TMCC1: variants seen among roughly 807,000 people sequenced by gnomAD.
TMCC1 encodes transmembrane and coiled-coil domains protein 1.
A neutral mutation model predicts 52.4 loss-of-function variants in TMCC1; 15 were observed. The ratio of observed to expected loss-of-function variants is 0.29; its 90% CI spans 0.19 to 0.44. TMCC1 has a LOEUF of 0.44. TMCC1 is among the 20% of genes least tolerant of loss of function. TMCC1 has a pLI of 1.00. For missense variants in TMCC1, 503 were observed against 806.0 expected (o/e 0.62, Z 4.55); for synonymous variants, 279 against 301.9 (o/e 0.92, Z 0.79).
At chr3:129,867,050 C>T (rs1167170544) in intron 2 of TMCC1, 1 of 151,994 alleles carries the variant, frequency 6.6e-6, no homozygotes, top group African/African-American at 2.4e-5. Context: ...CATGATCCTT[C>T]CAACTGTCCT....
At chr3:129,861,506 T>C (rs9840639) in intron 2 of TMCC1, among the ~76,000 whole-genome samples, 95,954 of 152,102 alleles carry the variant, frequency 0.63, 35,511 homozygotes, top group Non-Finnish European at 0.83. Flanking sequence ...TATAATCTCA[T>C]TGTTAAAACA....
At chr3:129,758,529 T>C (rs746124000) in intron 4 of TMCC1, among the ~76,000 whole-genome samples, 1 of 152,170 alleles carries the variant, frequency 6.6e-6, no homozygotes, top group Non-Finnish European at 1.5e-5. Context: ...CAAGACTCCT[T>C]TGAGAAATAG....
Position 129,750,440 on chromosome 3 carries a change from C to A in TMCC1, c.576+77363G>T, listed in dbSNP as rs369995517. ...CTCCTGACCTCAGGCAATCCACCTGCCTCACCCTCCCAAAGTGCTGGGATT... is the reference window on the plus strand; with the variant it reads ...CTCCTGACCTCAGGCAATCCACCTGACTCACCCTCCCAAAGTGCTGGGATT... On this transcript the variant is annotated intron_variant, in intron 4 of 6. Transcript: ENST00000393238. Among the ~76,000 whole-genome samples, 7 of 152,062 alleles carry A rather than the reference C, an allele frequency of 4.6e-5. No homozygotes were observed. In the East Asian group the frequency reaches 1.4e-3, roughly 30 times the overall value.
intron 4 of TMCC1, among the ~76,000 whole-genome samples, chr3:129,766,386 A>T (rs1160903848): frequency 6.6e-6 from 1 of 152,150 alleles, no homozygotes; most frequent in Non-Finnish European, 1.5e-5. Context: ...AGTTTATTGC[A>T]TTTGTAAGGC....
intron 4 of TMCC1, among the ~76,000 whole-genome samples, chr3:129,728,907 C>T (rs1325576230): frequency 6.6e-6 from 1 of 152,122 alleles, no homozygotes; most frequent in Non-Finnish European, 1.5e-5. Context: ...TAGTTCATTC[C>T]TTTTCATTGC....
chr3:129,668,061 A>T (rs2087612051), intron 5 of TMCC1, among the ~76,000 whole-genome samples: 1 of 152,114 alleles, frequency 6.6e-6, no homozygotes, highest in Non-Finnish European at 1.5e-5. Context: ...GGTGGTGCAC[A>T]CCTGTAGTCC....
chr3:129,702,249 G>GTT (rs752613414), intron 4 of TMCC1, among the ~76,000 whole-genome samples: 7 of 126,772 alleles, frequency 5.5e-5, no homozygotes, highest in Non-Finnish European at 5.3e-5. Context: ...GTCCCCAATT[G>GTT]TTTTTTTTTT....
At chr3:129,887,041 G>A (rs899710493) in intron 1 of TMCC1, among the ~76,000 whole-genome samples, 2 of 152,128 alleles carry the variant, frequency 1.3e-5, no homozygotes, top group African/African-American at 4.8e-5. Context: ...AAATCAGACT[G>A]TGGTTGCCAG....
chr3:129,707,926 G>C (rs2108989207), intron 4 of TMCC1, among the ~76,000 whole-genome samples: 1 of 150,500 alleles, frequency 6.6e-6, no homozygotes, highest in East Asian at 1.9e-4. Flanking sequence ...GCAAGACTCA[G>C]TCTCAAAAAA....
Position 129,799,303 on chromosome 3 carries a change from A to C in TMCC1, c.576+28500T>G, listed in dbSNP as rs114575607. Among the ~76,000 whole-genome samples the C allele has an allele frequency of 2.8e-3, 424 of 152,276 alleles. 3 individuals are homozygous for C. The highest frequency in any genetic ancestry group is 9.6e-3 in the African/African-American group (398 of 41,548). On this transcript the variant is annotated intron_variant, in intron 4 of 6. Transcript: ENST00000393238. Reference sequence around the variant, plus strand: ...CTTGTATCATGCGTTACCTGCAGTAAATGCATGAAAGGAAGAAAGGACGGT... The same window carrying C: ...CTTGTATCATGCGTTACCTGCAGTACATGCATGAAAGGAAGAAAGGACGGT...
chr3:129,792,709 A>C (rs1455422565), intron 4 of TMCC1, among the ~76,000 whole-genome samples: 1 of 152,216 alleles, frequency 6.6e-6, no homozygotes, highest in Admixed American at 6.5e-5. Context: ...GATAGACAAC[A>C]AATTTCCTTA....
chr3:129,763,002 C>T (rs1029745012), intron 4 of TMCC1, among the ~76,000 whole-genome samples: 1 of 150,876 alleles, frequency 6.6e-6, no homozygotes, highest in Non-Finnish European at 1.5e-5. Flanking sequence ...ATCGAGACCA[C>T]CCTGGCTAAC....
intron 2 of TMCC1, among the ~76,000 whole-genome samples, chr3:129,836,999 T>C (rs1046149277): frequency 6.6e-6 from 1 of 152,218 alleles, no homozygotes; most frequent in Non-Finnish European, 1.5e-5. Context: ...AGGAGCAATT[T>C]CTGGTGGAAT....
intron 2 of TMCC1, among the ~76,000 whole-genome samples, chr3:129,858,963 C>T (rs898758352): frequency 2.0e-5 from 3 of 152,246 alleles, no homozygotes; most frequent in Admixed American, 1.3e-4. Context: ...ATCTACAAAA[C>T]GTGTTTTCTG....
intron 4 of TMCC1, among the ~76,000 whole-genome samples, chr3:129,793,406 A>C (rs2056608157): frequency 6.6e-6 from 1 of 152,240 alleles, no homozygotes; most frequent in Non-Finnish European, 1.5e-5. Context: ...TTCAGGATCT[A>C]ACAATTCTGA....
chr3:129,727,937 T>C (rs1026999896), intron 4 of TMCC1, among the ~76,000 whole-genome samples: 1 of 152,202 alleles, frequency 6.6e-6, no homozygotes, highest in South Asian at 2.1e-4. Flanking sequence ...ACTAGTGTAA[T>C]CAAGGTCCCT....
At chr3:129,830,249 G>C (rs2058846025) in intron 3 of TMCC1, among the ~76,000 whole-genome samples, 1 of 152,102 alleles carries the variant, frequency 6.6e-6, no homozygotes, top group African/African-American at 2.4e-5. Flanking sequence ...GCCCTTATTA[G>C]ATCAATGACT....
chr3:129,711,342 A>C (rs2048668093), intron 4 of TMCC1, among the ~76,000 whole-genome samples: 1 of 152,204 alleles, frequency 6.6e-6, no homozygotes, highest in Admixed American at 6.5e-5. Context: ...AAAAGTATAC[A>C]TATACATCAT....
At chr3:129,801,960 T>C (rs948613478) in intron 4 of TMCC1, among the ~76,000 whole-genome samples, 2 of 152,244 alleles carry the variant, frequency 1.3e-5, no homozygotes, top group Non-Finnish European at 2.9e-5. Flanking sequence ...TAGTGTTATT[T>C]AGTGTTTCCG....
Sources: allele counts gnomAD v4.1 joint callset (sites outside exome capture counted in the v4.1 genomes callset), GRCh38; gene constraint gnomAD v4.1.1; transcripts MANE v1.5; gene names NCBI Gene and HGNC (gene_info 2026-07-23, HGNC 2026-07-21).